The following R3HDM2 variants were observed in gnomAD, a reference collection of about 807,000 sequenced individuals.
R3HDM2 encodes the protein R3H domain-containing protein 2.
Under a neutral mutation model 124.5 loss-of-function variants are expected in R3HDM2, and 38 were observed. The ratio of observed to expected loss-of-function variants is 0.31; its 90% CI spans 0.24 to 0.40. The LOEUF (loss-of-function observed/expected upper bound fraction) is 0.40. Ranked by LOEUF, R3HDM2 falls within the 10% of genes least tolerant of loss-of-function variation. The probability of loss-of-function intolerance (pLI) is 1.00; values close to 1 mark genes in which losing one functional copy is unlikely to be tolerated. For missense variants in R3HDM2, 869 were observed against 1,236.9 expected (o/e 0.70, Z 4.46); for synonymous variants, 391 against 448.0 (o/e 0.87, Z 1.61).
intron 1 of R3HDM2, among the ~76,000 whole-genome samples, chr12:57,420,042 A>G (rs2070036360): frequency 6.6e-6 from 1 of 152,154 alleles, no homozygotes; most frequent in Non-Finnish European, 1.5e-5. Flanking sequence ...TCCTTTGTTT[A>G]GATACCAAAC....
intron 2 of R3HDM2, among the ~76,000 whole-genome samples, chr12:57,383,696 C>T (rs2065249941): frequency 6.6e-6 from 1 of 152,046 alleles, no homozygotes; most frequent in South Asian, 2.1e-4. Context: ...AGCGAGACTC[C>T]GTCTCAAAAA....
At chr12:57,408,178 A>G (rs972835287) in intron 1 of R3HDM2, among the ~76,000 whole-genome samples, 7 of 151,546 alleles carry the variant, frequency 4.6e-5, no homozygotes, top group Admixed American at 1.3e-4. Context: ...TGATCCTCCC[A>G]CCTCGGCCTC....
intron 2 of R3HDM2, among the ~76,000 whole-genome samples, chr12:57,373,485 C>A (rs1247443850): frequency 2.0e-5 from 3 of 151,222 alleles, no homozygotes; most frequent in Admixed American, 1.3e-4. Context: ...GGTGACAGAG[C>A]AAGACTCCGT....
chr12:57,258,915 AG>A lies in R3HDM2; in HGVS notation c.2275del (p.Leu759CysfsTer14). 1.2e-6 allele frequency: 2 copies of A among 1,609,590 alleles called. No homozygotes were observed. The highest frequency in any genetic ancestry group is 1.7e-6 in the Non-Finnish European group (2 of 1,178,558). Reference sequence around the variant, plus strand: ...CTGGGGGCTGCTGTCAGGACTGTACAGGTCTCCAGGCTTCTGCCCCCGCTGG... The same window carrying A: ...CTGGGGGCTGCTGTCAGGACTGTACAGTCTCCAGGCTTCTGCCCCCGCTGG... ...MDQRGQKPGD[L>X]YSPDSSPQAN... On this transcript the variant is annotated frameshift_variant, in exon 20 of 24. Coordinates refer to ENST00000402412, the MANE Select transcript of R3HDM2 (RefSeq NM_001394031.1). LOFTEE classifies it high-confidence loss of function.
At chr12:57,360,006 A>AATAAATAAATAAATAAATATATATAT (rs1403496780) in intron 2 of R3HDM2, among the ~76,000 whole-genome samples, 1 of 117,690 alleles carries the variant, frequency 8.5e-6, no homozygotes, top group African/African-American at 3.0e-5. Context: ...TAAATAAATA[A>AATAAATAAATAAATAAATATATATAT]ATATATATAT....
intron 1 of R3HDM2, among the ~76,000 whole-genome samples, chr12:57,402,127 T>C (rs2068098528): frequency 6.6e-6 from 1 of 151,852 alleles, no homozygotes; most frequent in South Asian, 2.1e-4. Flanking sequence ...AAACCCCATC[T>C]CTACTAAAAA....
intron 2 of R3HDM2, among the ~76,000 whole-genome samples, chr12:57,382,444 A>G (rs12833685): frequency 3.4e-5 from 5 of 146,924 alleles, no homozygotes; most frequent in Non-Finnish European, 7.5e-5. Context: ...ACAGGGTTTC[A>G]CCATGTTGGC....
At chr12:57,326,542 G>A (rs1026166026) in intron 2 of R3HDM2, among the ~76,000 whole-genome samples, 9 of 152,244 alleles carry the variant, frequency 5.9e-5, no homozygotes, top group Non-Finnish European at 1.2e-4. Flanking sequence ...GTTGGTTCAT[G>A]AGTTTAAGGA....
rs1258904503 is a variant in R3HDM2, at chr12:57,375,924, G to A, written c.-36+19825C>T. Among the ~76,000 whole-genome samples, 5 of 151,972 alleles carry A rather than the reference G, an allele frequency of 3.3e-5. No individual in the cohort carries two copies. In the South Asian group the frequency reaches 6.2e-4, roughly 19 times the overall value. On this transcript the variant is annotated intron_variant, in intron 2 of 23. Coordinates refer to ENST00000402412, the MANE Select transcript of R3HDM2 (RefSeq NM_001394031.1). ...CCTGACCTCGTGATCCACCCACCTC[G>A]GCCTCCCAAAGTGCTGGGATTACAG...
chr12:57,372,321 T>C (rs1479308820), intron 2 of R3HDM2, among the ~76,000 whole-genome samples: 2 of 151,728 alleles, frequency 1.3e-5, no homozygotes, highest in African/African-American at 4.9e-5. Flanking sequence ...CTCCCAACAA[T>C]GATAAATAAT....
At chr12:57,288,943 C>T in intron 12 of R3HDM2, 66 bp downstream of exon 12, 1 of 1,549,794 alleles carries the variant, frequency 6.5e-7, no homozygotes, top group East Asian at 2.4e-5. Flanking sequence ...AGCATCATTA[C>T]AGGATTATAT....
chr12:57,311,480 C>A (rs2053901877), intron 2 of R3HDM2, among the ~76,000 whole-genome samples: 1 of 152,060 alleles, frequency 6.6e-6, no homozygotes, highest in African/African-American at 2.4e-5. Context: ...CCCGCCTCAG[C>A]CTCCCAAAGT....
At chr12:57,282,977 G>T (rs543865423) in intron 13 of R3HDM2, among the ~76,000 whole-genome samples, 5 of 152,302 alleles carry the variant, frequency 3.3e-5, no homozygotes, top group African/African-American at 9.6e-5. Flanking sequence ...GATAGAGAAG[G>T]TTTTGTAGCA....
intron 22 of R3HDM2, 143 bp from the exon 23 acceptor site, chr12:57,256,217 G>T: frequency 1.1e-6 from 1 of 940,640 alleles, no homozygotes. Flanking sequence ...ATGGAGCAGC[G>T]ACTGAGAAAC....
chr12:57,299,282 G>A, intron 6 of R3HDM2, 70 bp downstream of exon 6: 1 of 1,448,430 alleles, frequency 6.9e-7, no homozygotes, highest in South Asian at 1.3e-5. Flanking sequence ...AGGCTGGCAG[G>A]TGCCAGGCTT....
chr12:57,413,771 C>T (rs1362264360), intron 1 of R3HDM2, among the ~76,000 whole-genome samples: 1 of 151,218 alleles, frequency 6.6e-6, no homozygotes, highest in Non-Finnish European at 1.5e-5. Context: ...ACAAAAAAAA[C>T]AAACTCAGGT....
At chr12:57,284,869 A>C (rs2046978072) in intron 12 of R3HDM2, among the ~76,000 whole-genome samples, 1 of 152,220 alleles carries the variant, frequency 6.6e-6, no homozygotes, top group South Asian at 2.1e-4. Flanking sequence ...TGTAAACAGC[A>C]GGGTTATCTT....
At chr12:57,307,313 TGTTG>T (rs1417922953) in intron 3 of R3HDM2, among the ~76,000 whole-genome samples, 4 of 150,610 alleles carry the variant, frequency 2.7e-5, no homozygotes, top group Non-Finnish European at 3.0e-5. Context: ...TGGGTTTTTT[TGTTG>T]TTGTTTTGTT....
chr12:57,278,521 C>T (rs1296628992), intron 14 of R3HDM2, among the ~76,000 whole-genome samples: 1 of 151,930 alleles, frequency 6.6e-6, no homozygotes, highest in Non-Finnish European at 1.5e-5. Context: ...AATATTAGGA[C>T]CTTGGAAAAG....
Sources: gnomAD v4.1 joint callset for allele counts (sites outside exome capture counted in the v4.1 genomes callset) on GRCh38, gnomAD v4.1.1 for gene constraint, MANE v1.5 for transcripts, NCBI Gene and HGNC (gene_info 2026-07-23, HGNC 2026-07-21) for gene names.